Variants in MTUS2 observed in about 807,000 individuals in gnomAD.
MTUS2 encodes the protein microtubule-associated tumor suppressor candidate 2.
In MTUS2, 40 loss-of-function variants were observed where a neutral mutation model predicts 114.1. That is an observed-to-expected ratio of 0.35 (90% confidence interval 0.27 to 0.46). The LOEUF is 0.46. Among genes scored for constraint, MTUS2 ranks in the 20% least tolerant of loss-of-function variants. The pLI is 1.00. For missense variants in MTUS2, 1,679 were observed against 1,705.4 expected, an observed-to-expected ratio of 0.98 and a Z score of 0.27; for synonymous variants, 688 against 672.0, an observed-to-expected ratio of 1.02 and a Z score of -0.37.
chr13:29,052,192 T>C (rs1887928004), intron 4 of MTUS2, among the ~76,000 whole-genome samples: 1 of 152,012 alleles, frequency 6.6e-6, no homozygotes, highest in African/African-American at 2.4e-5. Context: ...TCTTAGAAAA[T>C]CAAAACAGGC....
At position 28,981,393 on chromosome 13, in the gene MTUS2, G is replaced by C. The variant is rs116368157; in HGVS notation, c.-242-43064G>C. Among the ~76,000 whole-genome samples, 1,102 of 152,242 alleles carry C rather than the reference G, an allele frequency of 7.2e-3. 15 individuals carry two copies. The highest frequency in any genetic ancestry group is 0.025 in the African/African-American group (1,053 of 41,544). On this transcript the variant is annotated intron_variant, in intron 2 of 15. Transcript: ENST00000612955. ...GCAAACGTGTAGGTAGTTTCCAGGG[G>C]CTGAGGGCACAGGGAGGGTTGACTA... is the stretch of plus-strand genomic sequence containing the variant.
intron 2 of MTUS2, among the ~76,000 whole-genome samples, chr13:28,907,769 T>G (rs1880133731): frequency 6.6e-6 from 1 of 151,610 alleles, no homozygotes; most frequent in African/African-American, 2.4e-5. Context: ...CTGAGTGACC[T>G]ACAAAGAGAC....
intron 7 of MTUS2, 46 bp from the exon 8 acceptor site, chr13:29,359,216 G>A (rs1245373290): frequency 6.6e-7 from 1 of 1,521,822 alleles, no homozygotes; most frequent in African/African-American, 1.4e-5. Context: ...CATGTGTACT[G>A]AGTGTTTTTT....
intron 8 of MTUS2, chr13:29,428,975 TG>T: frequency 7.0e-7 from 1 of 1,426,020 alleles, no homozygotes; most frequent in Non-Finnish European, 9.9e-7. Context: ...GCCACCTCGG[TG>T]CCTGTCCCCC....
intron 8 of MTUS2, among the ~76,000 whole-genome samples, chr13:29,420,186 T>C (rs1875971200): frequency 6.6e-6 from 1 of 152,092 alleles, no homozygotes; most frequent in Admixed American, 6.5e-5. Flanking sequence ...CTGAAATCTA[T>C]CCTGATATCT....
intron 6 of MTUS2, among the ~76,000 whole-genome samples, chr13:29,290,486 C>G (rs1218459091): frequency 6.6e-6 from 1 of 152,116 alleles, no homozygotes; most frequent in Non-Finnish European, 1.5e-5. Flanking sequence ...CCTGCCACCA[C>G]GCCTGGCTAA....
At chr13:28,941,673 A>G (rs534959612) in intron 2 of MTUS2, among the ~76,000 whole-genome samples, 1 of 152,266 alleles carries the variant, frequency 6.6e-6, no homozygotes, top group Non-Finnish European at 1.5e-5. Context: ...GTATAGTTAG[A>G]AAAGGAGGAC....
chr13:29,180,934 A>G (rs1319728677), intron 5 of MTUS2, among the ~76,000 whole-genome samples: 1 of 152,216 alleles, frequency 6.6e-6, no homozygotes, highest in African/African-American at 2.4e-5. Flanking sequence ...GCCTAACTGA[A>G]AAACAACTGT....
intron 5 of MTUS2, among the ~76,000 whole-genome samples, chr13:29,237,797 A>G (rs1352511363): frequency 6.6e-6 from 1 of 152,224 alleles, no homozygotes; most frequent in Non-Finnish European, 1.5e-5. Flanking sequence ...ACGGCCAACA[A>G]GTATATGAAA....
chr13:29,147,147 C>A (rs1465074151), intron 5 of MTUS2, among the ~76,000 whole-genome samples: 1 of 151,898 alleles, frequency 6.6e-6, no homozygotes, highest in Non-Finnish European at 1.5e-5. Flanking sequence ...TTTTTTTTAA[C>A]CATCATTGAG....
intron 5 of MTUS2, among the ~76,000 whole-genome samples, chr13:29,146,268 G>T (rs1850579969): frequency 6.6e-6 from 1 of 152,170 alleles, no homozygotes; most frequent in South Asian, 2.1e-4. Flanking sequence ...GGACCTATCT[G>T]TATTTTAGAA....
At chr13:29,369,629 G>T (rs1871041220) in intron 8 of MTUS2, among the ~76,000 whole-genome samples, 1 of 152,184 alleles carries the variant, frequency 6.6e-6, no homozygotes, top group South Asian at 2.1e-4. Context: ...ATTATATATG[G>T]CACAAACCTA....
rs1898479063 is a variant in MTUS2 at position 29,286,340 on chromosome 13, A to G, written c.2806+4475A>G. Among the ~76,000 whole-genome samples, 3 of 152,220 alleles carry G rather than the reference A, an allele frequency of 2.0e-5. No individual in the cohort carries two copies. In the South Asian group the frequency reaches 6.2e-4, roughly 32 times the overall value. On this transcript the variant is annotated intron_variant, in intron 6 of 15. Coordinates refer to ENST00000612955, the MANE Select transcript of MTUS2 (RefSeq NM_001033602.4). The stretch of plus-strand genomic sequence containing the variant: ...GGTATTTCCTTCAAAATAACCTAGG[A>G]TGGTGGTGAGCAGAGTCTATGACAT...
At chr13:29,290,191 A>C (rs553976631) in intron 6 of MTUS2, among the ~76,000 whole-genome samples, 1 of 152,292 alleles carries the variant, frequency 6.6e-6, no homozygotes, top group Non-Finnish European at 1.5e-5. Flanking sequence ...TTTGTCTATA[A>C]ACCCATAATA....
intron 5 of MTUS2, among the ~76,000 whole-genome samples, chr13:29,230,747 A>G (rs1207148635): frequency 6.6e-6 from 1 of 152,180 alleles, no homozygotes; most frequent in Non-Finnish European, 1.5e-5. Flanking sequence ...GCAGGCCTTT[A>G]TTTTTATTTC....
chr13:29,155,450 C>G (rs1020564285), intron 5 of MTUS2, among the ~76,000 whole-genome samples: 4 of 152,168 alleles, frequency 2.6e-5, no homozygotes, highest in African/African-American at 9.7e-5. Context: ...TGTTGTGTCT[C>G]CTCATTCAAC....
chr13:29,315,478 T>C (rs1436880710), intron 6 of MTUS2, among the ~76,000 whole-genome samples: 1 of 152,186 alleles, frequency 6.6e-6, no homozygotes, highest in Non-Finnish European at 1.5e-5. Context: ...ATAAAAATCA[T>C]TTTTTAAAAG....
chr13:28,820,785 C>T (rs1205881707), intron 1 of MTUS2, among the ~76,000 whole-genome samples, 174 bp downstream of exon 1: 2 of 152,218 alleles, frequency 1.3e-5, no homozygotes, highest in Non-Finnish European at 1.5e-5. Flanking sequence ...CCCACATCAC[C>T]TGCTCTGGCT....
intron 5 of MTUS2, among the ~76,000 whole-genome samples, chr13:29,238,043 C>T (rs1896599960): frequency 1.3e-5 from 2 of 152,150 alleles, no homozygotes. Flanking sequence ...ACCATATGAT[C>T]CAGCAACCTC....
Sources: gnomAD v4.1 joint callset for allele counts (sites outside exome capture counted in the v4.1 genomes callset) on GRCh38, gnomAD v4.1.1 for gene constraint, MANE v1.5 for transcripts, NCBI Gene and HGNC (gene_info 2026-07-23, HGNC 2026-07-21) for gene names.